Variants in SREBF2 observed in about 807,000 individuals in gnomAD.
The protein encoded by SREBF2 is sterol regulatory element binding transcription factor 2, also known as sterol regulatory element-binding protein 2.
A neutral mutation model predicts 113.1 loss-of-function variants in SREBF2; 55 were observed. The observed-to-expected ratio is 0.49, with a 90% CI of 0.39 to 0.61. The LOEUF is 0.61. SREBF2 is among the 20% of genes least tolerant of loss of function. The probability of loss-of-function intolerance (pLI) is 0.00; values close to 1 mark genes in which losing one functional copy is unlikely to be tolerated. For missense variants in SREBF2, 1,349 were observed against 1,487.4 expected, an observed-to-expected ratio of 0.91 and a Z score of 1.53; for synonymous variants, 593 against 605.7, an observed-to-expected ratio of 0.98 and a Z score of 0.31.
intron 1 of SREBF2, among the ~76,000 whole-genome samples, chr22:41,845,303 A>C (rs572711533): frequency 6.6e-6 from 1 of 152,232 alleles, no homozygotes; most frequent in East Asian, 1.9e-4. Flanking sequence ...ATGATTTGCC[A>C]ATGCTTCCTA....
Position 41,867,163 on chromosome 22 carries a change from C to CCTCAAA in SREBF2, c.426_431dup (p.Thr143_Gln144dup). On this transcript the variant is annotated inframe_insertion, in exon 2 of 19. Transcript: ENST00000361204. ...GCCCCGCCCCCAGCCCCAGCCTCAA[C>CCTCAAA]CTCAAACTCAGCTGCAACAACAGAC... 1.2e-6 allele frequency: 2 copies of CCTCAAA among 1,614,216 alleles called. No homozygotes were observed. The highest frequency in any genetic ancestry group is 2.2e-5 in the South Asian group (2 of 91,088).
intron 15 of SREBF2, chr22:41,899,586 C>G (rs747742685): frequency 2.0e-6 from 2 of 990,444 alleles, no homozygotes; most frequent in Non-Finnish European, 2.4e-6. Context: ...TCCTTTGTTC[C>G]CTGAAGTAGA....
At chr22:41,836,690 G>C (rs1364183249) in intron 1 of SREBF2, among the ~76,000 whole-genome samples, 1 of 152,200 alleles carries the variant, frequency 6.6e-6, no homozygotes, top group Non-Finnish European at 1.5e-5. Context: ...CTTGGGCTGG[G>C]CAGGATACTA....
chr22:41,880,009 G>A (rs890262931), intron 9 of SREBF2, among the ~76,000 whole-genome samples: 11 of 152,116 alleles, frequency 7.2e-5, no homozygotes, highest in African/African-American at 2.7e-4. Flanking sequence ...ACCAGCCTGG[G>A]CAACATAGCA....
chr22:41,873,896 G>A lies in SREBF2; in HGVS notation c.966G>A (p.Gln322=). The part of the protein sequence containing the change: ...PIKQVPGGVK[Q]LEPPKEGERR... ...AGCAGGTACCTGGGGGAGTCAAGCA[G>A]CTTGAGCCCCCCAAAGAAGGAGAAA... The change falls in exon 5 of 19, where the codon CAG becomes CAA. Residue 322 remains glutamine, a synonymous_variant. Coordinates refer to ENST00000361204, the MANE Select transcript of SREBF2 (RefSeq NM_004599.4). 6.2e-7 allele frequency: 1 copy of A among 1,614,120 alleles called. No homozygotes were observed. Among genetic ancestry groups the A allele is most frequent in the Non-Finnish European group, 8.5e-7 (1 of 1,180,012 alleles).
intron 9 of SREBF2, 84 bp downstream of exon 9, chr22:41,878,207 A>G: frequency 1.9e-6 from 3 of 1,567,610 alleles, no homozygotes; most frequent in Non-Finnish European, 2.6e-6. Flanking sequence ...GTCCTATGAT[A>G]GATGCTTGTG....
In SREBF2 at chr22:41,833,475, C is replaced by A; in HGVS notation, c.88+117C>A. ...AGCCCCGGTTCGCGCGGGAAGAACC[C>A]CGTGCGCACGGTGCCCCCGGCGGTC... is the stretch of plus-strand genomic sequence containing the variant. On this transcript the variant is annotated intron_variant, in intron 1 of 18. Transcript: ENST00000361204. This position sits in a 1 kb window ranked among gnomAD's most constrained non-coding sequence, Gnocchi z 4.1. 3.5e-6 allele frequency: 3 copies of A among 855,784 alleles called. No homozygotes were observed. In the South Asian group the frequency reaches 5.3e-5, roughly 15 times the overall value. 53.0% of individuals were successfully genotyped at this position (855,784 alleles called of 1,614,324 possible).
chr22:41,892,647 CAAAA>C (rs397967305), intron 11 of SREBF2, among the ~76,000 whole-genome samples: 47 of 76,974 alleles, frequency 6.1e-4, no homozygotes, highest in Non-Finnish European at 1.3e-3. Flanking sequence ...AACTCCGTCT[CAAAA>C]AAAAAAAAAA....
At chr22:41,856,620 C>T (rs2076980145) in intron 1 of SREBF2, among the ~76,000 whole-genome samples, 1 of 152,118 alleles carries the variant, frequency 6.6e-6, no homozygotes, top group Non-Finnish European at 1.5e-5. Flanking sequence ...CACTTACATT[C>T]AAAGAAAGAT....
chr22:41,864,355 C>T (rs1229352812), intron 1 of SREBF2, among the ~76,000 whole-genome samples: 1 of 132,016 alleles, frequency 7.6e-6, no homozygotes, highest in African/African-American at 2.9e-5. Context: ...GAGTCTCGCT[C>T]TGTTGCCCAG....
At position 41,875,613 on chromosome 22, in the gene SREBF2, T is replaced by C; in HGVS notation, c.1275T>C (p.Asn425=). The C allele has an allele frequency of 6.2e-7, 1 of 1,614,190 alleles. No individual in the cohort carries two copies. Among genetic ancestry groups the C allele is most frequent in the Non-Finnish European group, 8.5e-7 (1 of 1,180,036 alleles). The change falls in exon 7 of 19, where the codon AAT becomes AAC. Residue 425 remains asparagine, a synonymous_variant. Transcript: ENST00000361204. ...NEVDLKIEDF[N]QNVLLMSPPA... is the part of the protein sequence containing the mutation. ...TGGACCTGAAGATCGAGGACTTTAA[T>C]CAGAATGTCCTTCTGATGTCCCCCC...
At chr22:41,885,375 T>C (rs905125645) in intron 11 of SREBF2, among the ~76,000 whole-genome samples, 1 of 152,380 alleles carries the variant, frequency 6.6e-6, no homozygotes, top group Admixed American at 6.5e-5. Flanking sequence ...CCCCTGGTTA[T>C]GTCTCATGGT....
chr22:41,880,397 CAAAAAAA>C (rs58272168), intron 9 of SREBF2, among the ~76,000 whole-genome samples: 3 of 87,624 alleles, frequency 3.4e-5, no homozygotes, highest in African/African-American at 8.8e-5. Context: ...ACTAAAAATA[CAAAAAAA>C]AAAAAAAAAA....
chr22:41,891,601 C>A (rs1479359003), intron 11 of SREBF2, among the ~76,000 whole-genome samples: 3 of 152,200 alleles, frequency 2.0e-5, no homozygotes, highest in African/African-American at 7.2e-5. Context: ...GAAGCCGTTA[C>A]ATTCGCTGAT....
Position 41,875,654 on chromosome 22 carries a change from G to A in SREBF2, c.1316G>A (p.Gly439Glu). The part of the protein sequence containing the change: ...LLMSPPASDS[G>E]SQAGFSPYSI... Reference sequence around the variant, plus strand: ...ATGTCCCCCCCAGCCTCTGACTCAGGGTCCCAGGCTGGCTTCTCTCCCTAC... The same window carrying A: ...ATGTCCCCCCCAGCCTCTGACTCAGAGTCCCAGGCTGGCTTCTCTCCCTAC... The change falls in exon 7 of 19, where the codon GGG (glycine) becomes GAG (glutamate). Residue 439 changes from glycine to glutamate, a missense_variant. Around this residue, in one of 2 missense-constraint regions of SREBF2, gnomAD observed 699 missense variants for 843.3 expected, o/e 0.83. Transcript: ENST00000361204. 2 of 1,614,160 alleles carry A rather than the reference G, an allele frequency of 1.2e-6. No homozygotes were observed.
At chr22:41,886,985 G>T (rs897590010) in intron 11 of SREBF2, among the ~76,000 whole-genome samples, 3 of 152,206 alleles carry the variant, frequency 2.0e-5, no homozygotes, top group African/African-American at 7.2e-5. Flanking sequence ...ATTGAGCGGA[G>T]ATCACGCCAT....
intron 16 of SREBF2, 35 bp from the exon 17 acceptor site, chr22:41,902,935 C>A: frequency 1.3e-6 from 2 of 1,592,040 alleles, no homozygotes; most frequent in Non-Finnish European, 1.7e-6. Context: ...ATGGGCCAGT[C>A]ACCTGTCTCC....
chr22:41,848,598 G>A (rs2076899688), intron 1 of SREBF2, among the ~76,000 whole-genome samples: 1 of 152,086 alleles, frequency 6.6e-6, no homozygotes, highest in Non-Finnish European at 1.5e-5. Flanking sequence ...TGGGAGGTGG[G>A]GCAACCCCAG....
chr22:41,900,414 C>T lies in SREBF2; in HGVS notation c.2823C>T (p.Ser941=). Residue 941 remains serine (S), a synonymous_variant, in exon 16 of 19, where the codon TCC becomes TCT. Transcript: ENST00000361204. ...GGAAAGCAGATGGGCAGCAGAGTTC[C>T]TTCTGCCATTGCGAGAGGGCCAGTG... ...LPGKADGQQS[S]FCHCERASGH... is the part of the protein sequence containing the mutation. 1.2e-6 allele frequency: 2 copies of T among 1,613,932 alleles called. No homozygotes were observed.
Sources: gnomAD v4.1 joint callset for allele counts (sites outside exome capture counted in the v4.1 genomes callset) on GRCh38, gnomAD v4.1.1 for gene constraint, gnomAD v4.1.1 regional missense constraint, Gnocchi (gnomAD v3.1) non-coding constraint, MANE v1.5 for transcripts, NCBI Gene and HGNC (gene_info 2026-07-23, HGNC 2026-07-21) for gene names.